GLIS3: variants seen among roughly 807,000 people sequenced by gnomAD.
GLIS3 encodes the protein zinc finger protein GLIS3.
Under a neutral mutation model 78.6 loss-of-function variants are expected in GLIS3, and 53 were observed. The ratio of observed to expected loss-of-function variants is 0.67; its 90% confidence interval spans 0.54 to 0.85. The LOEUF (loss-of-function observed/expected upper bound fraction) is 0.85. Among genes scored for constraint, GLIS3 ranks in the 40% least tolerant of loss-of-function variants. The pLI, the probability that GLIS3 is intolerant of heterozygous loss-of-function variation, is 0.00. For synonymous variants in GLIS3, 684 were observed against 509.9 expected, an observed-to-expected ratio of 1.34 and a Z score of -4.60; for missense variants, 1,703 against 1,231.1, an observed-to-expected ratio of 1.38 and a Z score of -5.74.
intron 2 of GLIS3, among the ~76,000 whole-genome samples, chr9:4,271,180 C>T (rs1052260246): frequency 2.6e-5 from 4 of 152,028 alleles, no homozygotes; most frequent in Non-Finnish European, 4.4e-5. Context: ...AATATAGAAA[C>T]GGGGGCAGGA....
chr9:4,071,030 A>C (rs538088449), intron 4 of GLIS3: 55 of 152,274 alleles, frequency 3.6e-4, no homozygotes, highest in African/African-American at 1.3e-3. Flanking sequence ...AAACTTGTTT[A>C]TGATGCTTTG....
chr9:4,318,805 G>A (rs1333705797), intron 2 of GLIS3, among the ~76,000 whole-genome samples: 1 of 152,152 alleles, frequency 6.6e-6, no homozygotes, highest in Non-Finnish European at 1.5e-5. Flanking sequence ...AAAGTTTGTT[G>A]GTGAACAGGA....
At chr9:4,380,752 G>A in the GLIS3 span, among the ~76,000 whole-genome samples, 27 of 152,154 alleles carry the variant, frequency 1.8e-4, no homozygotes, top group Non-Finnish European at 1.9e-4. Flanking sequence ...AATAAAGTAC[G>A]AAAGAAACTG....
At chr9:3,990,857 CTT>C (rs1247879223) in intron 4 of GLIS3, among the ~76,000 whole-genome samples, 1 of 152,174 alleles carries the variant, frequency 6.6e-6, no homozygotes, top group African/African-American at 2.4e-5. Flanking sequence ...TTCTCCCTCT[CTT>C]CCAAAATATA....
At chr9:4,048,810 AAAT>A (rs1464050743) in intron 4 of GLIS3, among the ~76,000 whole-genome samples, 2 of 152,186 alleles carry the variant, frequency 1.3e-5, no homozygotes, top group Non-Finnish European at 2.9e-5. Flanking sequence ...ATTCCTGCAC[AAAT>A]ATCTGACCAA....
chr9:4,319,611 C>T lies in GLIS3; in HGVS notation n.265-9083G>A, dbSNP rs1817491810. ...GTGGCATGATCATAGCTCACTGTCA[C>T]CTCAAACTCCTGGGCTCAAGTGATC... is the stretch of plus-strand genomic sequence containing the variant. On this transcript the variant is annotated intron_variant and non_coding_transcript_variant, in intron 2 of 4. Coordinates refer to the GLIS3 transcript ENST00000471664. Among the ~76,000 whole-genome samples, 3 of 152,148 alleles carry T rather than the reference C, an allele frequency of 2.0e-5. 1 individual carries two copies. In the South Asian group the frequency reaches 6.2e-4, roughly 32 times the overall value.
chr9:4,433,350 T>G, the GLIS3 span, among the ~76,000 whole-genome samples: 1 of 152,136 alleles, frequency 6.6e-6, no homozygotes, highest in Non-Finnish European at 1.5e-5. Context: ...GAGAATCACT[T>G]GACCCCAGAA....
chr9:4,483,397 G>C, the GLIS3 span, among the ~76,000 whole-genome samples: 1 of 152,028 alleles, frequency 6.6e-6, no homozygotes, highest in Non-Finnish European at 1.5e-5. Flanking sequence ...AGTTTTTTTT[G>C]TAACAACTCT....
At chr9:4,432,436 G>C in the GLIS3 span, among the ~76,000 whole-genome samples, 1 of 152,048 alleles carries the variant, frequency 6.6e-6, no homozygotes, top group Non-Finnish European at 1.5e-5. Flanking sequence ...AGTTCAGTTT[G>C]GCCATAACAC....
At chr9:4,103,301 A>G (rs1185270682) in intron 4 of GLIS3, among the ~76,000 whole-genome samples, 2 of 152,192 alleles carry the variant, frequency 1.3e-5, no homozygotes, top group African/African-American at 4.8e-5. Context: ...TTGAACATTT[A>G]GAATGTGAAC....
chr9:4,230,671 G>A (rs1357236256), intron 2 of GLIS3, among the ~76,000 whole-genome samples: 2 of 152,176 alleles, frequency 1.3e-5, no homozygotes, highest in Non-Finnish European at 2.9e-5. Flanking sequence ...ACCTAATTAT[G>A]GACTGCGCAT....
chr9:4,072,168 T>C (rs1228551696), intron 4 of GLIS3, among the ~76,000 whole-genome samples: 2 of 152,232 alleles, frequency 1.3e-5, no homozygotes, highest in Non-Finnish European at 2.9e-5. Flanking sequence ...TAGGGGTCTT[T>C]CCTTTATAGG....
intron 2 of GLIS3, among the ~76,000 whole-genome samples, chr9:4,139,733 T>C (rs532620064): frequency 6.6e-6 from 1 of 152,320 alleles, no homozygotes; most frequent in Admixed American, 6.5e-5. Flanking sequence ...GGCATTATAA[T>C]TAGATTCTCG....
chr9:4,161,079 TA>T (rs59854446), intron 2 of GLIS3, among the ~76,000 whole-genome samples: 6,169 of 135,748 alleles, frequency 0.045, 150 homozygotes, highest in Non-Finnish European at 0.057. Flanking sequence ...CCCCATCTCT[TA>T]AAAAAAAAAA....
intron 2 of GLIS3, among the ~76,000 whole-genome samples, chr9:4,178,744 C>G (rs537672185): frequency 9.8e-5 from 15 of 152,316 alleles, no homozygotes; most frequent in South Asian, 2.1e-4. Context: ...ATAGGTTGAT[C>G]AGAAGTCTTT....
Position 3,847,103 on chromosome 9 carries a change from G to C in GLIS3, c.2473+8906C>G, listed in dbSNP as rs553578247. ...GGAGGCTGAAGCAGGAGAATCACTTGAGCCCGGGAGGCAGAGGTTGCAGTG... is the reference window on the plus strand; with the variant it reads ...GGAGGCTGAAGCAGGAGAATCACTTCAGCCCGGGAGGCAGAGGTTGCAGTG... On this transcript the variant is annotated intron_variant, in intron 9 of 10. Coordinates refer to ENST00000381971, the MANE Select transcript of GLIS3 (RefSeq NM_001042413.2). Among the ~76,000 whole-genome samples the C allele has an allele frequency of 1.1e-4, 17 of 152,310 alleles. 1 individual carries two copies. In the South Asian group the frequency reaches 3.5e-3, roughly 32 times the overall value.
At chr9:3,832,883 A>G (rs1036433544) in intron 9 of GLIS3, among the ~76,000 whole-genome samples, 2 of 152,212 alleles carry the variant, frequency 1.3e-5, no homozygotes, top group Admixed American at 6.5e-5. Context: ...GACATTAATC[A>G]TTCGGGGACA....
chr9:4,047,900 T>C (rs573251313), intron 4 of GLIS3, among the ~76,000 whole-genome samples: 42 of 152,326 alleles, frequency 2.8e-4, no homozygotes, highest in Admixed American at 2.6e-3. Context: ...TTTTGTGAGA[T>C]GAACTCTGTT....
chr9:3,872,179 C>G (rs1212108240), intron 8 of GLIS3, among the ~76,000 whole-genome samples: 5 of 152,210 alleles, frequency 3.3e-5, no homozygotes, highest in Non-Finnish European at 5.9e-5. Flanking sequence ...TCAGCCTTGA[C>G]TTTATTGTCC....
Sources: gnomAD v4.1 joint callset for allele counts (sites outside exome capture counted in the v4.1 genomes callset) on GRCh38, gnomAD v4.1.1 for gene constraint, MANE v1.5 for transcripts, NCBI Gene and HGNC (gene_info 2026-07-23, HGNC 2026-07-21) for gene names.